CDK14: variants seen among roughly 807,000 people sequenced by gnomAD.
CDK14 encodes the protein cyclin-dependent kinase 14.
Under a neutral mutation model 60.7 loss-of-function variants are expected in CDK14, and 34 were observed. The ratio of observed to expected loss-of-function variants is 0.56; its 90% CI spans 0.43 to 0.75. CDK14 has a LOEUF of 0.75. Ranked by LOEUF, CDK14 falls within the 30% of genes least tolerant of loss-of-function variation. CDK14 has a pLI of 0.00. For synonymous variants in CDK14, 197 were observed against 203.7 expected, an observed-to-expected ratio of 0.97 and a Z score of 0.28; for missense variants, 482 against 564.1, an observed-to-expected ratio of 0.85 and a Z score of 1.47.
intron 14 of CDK14, among the ~76,000 whole-genome samples, chr7:91,145,729 G>A (rs1328268571): frequency 6.6e-6 from 1 of 152,126 alleles, no homozygotes; most frequent in East Asian, 1.9e-4. Flanking sequence ...TAGGCAACAA[G>A]AAGCTGCTCA....
intron 14 of CDK14, among the ~76,000 whole-genome samples, chr7:91,189,464 A>G (rs1355734849): frequency 6.6e-6 from 1 of 152,214 alleles, no homozygotes; most frequent in African/African-American, 2.4e-5. Flanking sequence ...GTTTATGTGT[A>G]TCTTTTCAGA....
chr7:90,829,387 C>T (rs1254899322), intron 5 of CDK14, among the ~76,000 whole-genome samples: 1 of 152,162 alleles, frequency 6.6e-6, no homozygotes. Flanking sequence ...GAATATGAGC[C>T]TGTAAAATCG....
intron 14 of CDK14, among the ~76,000 whole-genome samples, chr7:91,118,524 C>G (rs1355780622): frequency 6.6e-6 from 1 of 152,224 alleles, no homozygotes; most frequent in Non-Finnish European, 1.5e-5. Flanking sequence ...TGGGCTGTAT[C>G]TAAGCCACAG....
At chr7:90,782,132 C>T (rs1805354900) in intron 4 of CDK14, among the ~76,000 whole-genome samples, 1 of 151,996 alleles carries the variant, frequency 6.6e-6, no homozygotes, top group Non-Finnish European at 1.5e-5. Context: ...AGGTCCTTCA[C>T]ATCCCTTGTA....
intron 10 of CDK14, among the ~76,000 whole-genome samples, chr7:91,034,234 C>G (rs2115955921): frequency 6.6e-6 from 1 of 152,234 alleles, no homozygotes; most frequent in South Asian, 2.1e-4. Context: ...TTGGGCCAGA[C>G]AGTGGTCCCA....
At chr7:90,710,872 G>C (rs1225491341) in intron 2 of CDK14, among the ~76,000 whole-genome samples, 1 of 151,916 alleles carries the variant, frequency 6.6e-6, no homozygotes, top group African/African-American at 2.4e-5. Context: ...ATGTGGCGGG[G>C]GTTTGAACTT....
At chr7:90,668,699 CTT>C (rs59773768) in intron 2 of CDK14, among the ~76,000 whole-genome samples, 221 of 87,322 alleles carry the variant, frequency 2.5e-3, no homozygotes, top group African/African-American at 8.5e-3. Flanking sequence ...GACTCGCATT[CTT>C]TTTTTTTTTT....
At chr7:90,728,213 G>A (rs1020375649) in intron 3 of CDK14, among the ~76,000 whole-genome samples, 1 of 151,866 alleles carries the variant, frequency 6.6e-6, no homozygotes, top group Middle Eastern at 3.2e-3. Context: ...CATCCCTGGT[G>A]TCATCCTTTT....
At chr7:91,170,849 C>A (rs1441505064) in intron 14 of CDK14, among the ~76,000 whole-genome samples, 1 of 149,634 alleles carries the variant, frequency 6.7e-6, no homozygotes, top group African/African-American at 2.5e-5. Flanking sequence ...TCACTGCAAC[C>A]TCCACCTCCC....
intron 14 of CDK14, among the ~76,000 whole-genome samples, chr7:91,168,056 G>T (rs1044573289): frequency 1.3e-5 from 2 of 152,146 alleles, no homozygotes; most frequent in African/African-American, 4.8e-5. Flanking sequence ...GAGGTCAGGA[G>T]ATCGAGACCA....
intron 2 of CDK14, among the ~76,000 whole-genome samples, chr7:90,711,935 G>T (rs1584811415): frequency 6.7e-6 from 1 of 148,394 alleles, no homozygotes; most frequent in African/African-American, 2.5e-5. Flanking sequence ...TGTTGGCCAG[G>T]TTTGTCTTGA....
intron 2 of CDK14, among the ~76,000 whole-genome samples, chr7:90,637,826 G>T (rs1800192112): frequency 6.9e-6 from 1 of 144,938 alleles, no homozygotes; most frequent in Non-Finnish European, 1.5e-5. Flanking sequence ...TCCTGTATTG[G>T]GTGCATATAT....
At chr7:91,097,385 G>C (rs1399027452) in intron 12 of CDK14, among the ~76,000 whole-genome samples, 2 of 143,946 alleles carry the variant, frequency 1.4e-5, no homozygotes, top group Non-Finnish European at 3.1e-5. Context: ...CTGTCTCCAG[G>C]AAAAAAAAAA....
intron 5 of CDK14, among the ~76,000 whole-genome samples, chr7:90,807,857 G>C (rs1270403603): frequency 6.6e-6 from 1 of 152,158 alleles, no homozygotes; most frequent in Non-Finnish European, 1.5e-5. Flanking sequence ...CTGGAAGAAA[G>C]GGTATCAGTG....
chr7:91,081,965 C>G (rs1344358515), intron 12 of CDK14, among the ~76,000 whole-genome samples: 1 of 152,046 alleles, frequency 6.6e-6, no homozygotes, highest in Non-Finnish European at 1.5e-5. Flanking sequence ...TGGGCTCTTC[C>G]TCCATAAAGG....
rs146861621 is a variant in CDK14, at chr7:91,099,993, T to C, written c.1155-12549T>C. Among the ~76,000 whole-genome samples the C allele has an allele frequency of 2.6e-3, 399 of 152,226 alleles. 1 individual carries two copies. Among genetic ancestry groups the C allele is most frequent in the African/African-American group, 8.7e-3 (363 of 41,566 alleles). On this transcript the variant is annotated intron_variant, in intron 12 of 14. Coordinates refer to ENST00000380050, the MANE Select transcript of CDK14 (RefSeq NM_001287135.2). ...TCTATCAAGTCTTCTAGTCAGAGGG[T>C]TGAAAAGTAATTATTGGTGCCTCTT...
intron 14 of CDK14, among the ~76,000 whole-genome samples, chr7:91,127,027 G>T (rs1481950493): frequency 6.6e-6 from 1 of 152,034 alleles, no homozygotes; most frequent in Non-Finnish European, 1.5e-5. Flanking sequence ...CGAGGCAGGG[G>T]GTGCCACCTG....
intron 2 of CDK14, among the ~76,000 whole-genome samples, chr7:90,706,873 C>T (rs879813672): frequency 6.6e-6 from 1 of 152,116 alleles, no homozygotes; most frequent in South Asian, 2.1e-4. Flanking sequence ...AGTGACTGAT[C>T]AGCCCAGGGA....
chr7:90,985,553 TTAAG>T (rs1446452095), intron 10 of CDK14, among the ~76,000 whole-genome samples: 1 of 152,150 alleles, frequency 6.6e-6, no homozygotes, highest in East Asian at 1.9e-4. Flanking sequence ...GTTAGACAAA[TTAAG>T]TAAGCGCAAC....
Sources: gnomAD v4.1 joint callset for allele counts (sites outside exome capture counted in the v4.1 genomes callset) on GRCh38, gnomAD v4.1.1 for gene constraint, MANE v1.5 for transcripts, NCBI Gene and HGNC (gene_info 2026-07-23, HGNC 2026-07-21) for gene names.